Variants in SERGEF observed in about 807,000 individuals in gnomAD.
SERGEF encodes the protein secretion-regulating guanine nucleotide exchange factor.
A neutral mutation model predicts 50.0 loss-of-function variants in SERGEF; 51 were observed. The ratio of observed to expected loss-of-function variants is 1.02; its 90% confidence interval spans 0.81 to 1.29. The LOEUF (loss-of-function observed/expected upper bound fraction) is 1.29. Ranked by LOEUF, SERGEF falls within the 50% of genes most tolerant of loss-of-function variation. The pLI is 0.00. For missense variants in SERGEF, 521 were observed against 557.0 expected, an observed-to-expected ratio of 0.94 and a Z score of 0.65; for synonymous variants, 205 against 212.4, an observed-to-expected ratio of 0.97 and a Z score of 0.30.
At chr11:17,915,019 T>C (rs913970657) in intron 9 of SERGEF, among the ~76,000 whole-genome samples, 22 of 152,234 alleles carry the variant, frequency 1.4e-4, no homozygotes, top group Non-Finnish European at 2.6e-4. Context: ...CTTATTGCAA[T>C]CTTACGTCCC....
chr11:18,012,713 CCCCT>C, intron 1 of SERGEF: 1 of 1,231,868 alleles, frequency 8.1e-7, no homozygotes, highest in Non-Finnish European at 1.1e-6. Flanking sequence ...GGCGCCACAG[CCCCT>C]CCGGCCCTGA....
chr11:18,005,331 G>A (rs1217488506), intron 3 of SERGEF, among the ~76,000 whole-genome samples: 1 of 152,206 alleles, frequency 6.6e-6, no homozygotes, highest in African/African-American at 2.4e-5. Context: ...CCACAGAGGA[G>A]GATGGTGACA....
chr11:17,996,387 C>T (rs1052519978), intron 5 of SERGEF, among the ~76,000 whole-genome samples: 8 of 152,216 alleles, frequency 5.3e-5, no homozygotes, highest in African/African-American at 1.9e-4. Context: ...ACTCAGCTTT[C>T]CTAACACCTA....
intron 8 of SERGEF, among the ~76,000 whole-genome samples, chr11:17,986,821 T>C (rs1590234661): frequency 6.6e-6 from 1 of 152,362 alleles, no homozygotes; most frequent in East Asian, 1.9e-4. Context: ...TCTATGCGAC[T>C]TTTGCCCTTT....
chr11:17,953,033 T>C (rs1590215515), intron 9 of SERGEF, among the ~76,000 whole-genome samples: 1 of 152,164 alleles, frequency 6.6e-6, no homozygotes, highest in South Asian at 2.1e-4. Flanking sequence ...AGCCTTCCAA[T>C]TCAGGAAGGC....
At chr11:17,938,113 C>A (rs968248468) in intron 9 of SERGEF, among the ~76,000 whole-genome samples, 1 of 152,172 alleles carries the variant, frequency 6.6e-6, no homozygotes, top group African/African-American at 2.4e-5. Context: ...TTGCTAGGAC[C>A]TCTGCTACTG....
intron 10 of SERGEF, among the ~76,000 whole-genome samples, chr11:17,790,732 C>T (rs1266913681): frequency 3.3e-5 from 5 of 152,140 alleles, no homozygotes; most frequent in African/African-American, 1.2e-4. Flanking sequence ...CCAAATATCT[C>T]TCCAATGACT....
At chr11:17,872,651 T>C (rs1352224435) in intron 10 of SERGEF, among the ~76,000 whole-genome samples, 3 of 152,204 alleles carry the variant, frequency 2.0e-5, no homozygotes, top group South Asian at 2.1e-4. Context: ...CTTATAACTA[T>C]ACTCTCCTCA....
At position 17,842,245 on chromosome 11, in the gene SERGEF, A is replaced by G. The variant is rs564091727; in HGVS notation, c.1048+35963T>C. Among the ~76,000 whole-genome samples the G allele has an allele frequency of 2.1e-3, 318 of 152,288 alleles. 3 individuals carry two copies. Among genetic ancestry groups the G allele is most frequent in the African/African-American group, 6.0e-3 (250 of 41,562 alleles). ...AATGAATAATACACCGCAGCTATTCACTGAGTTTATTCCAAGCAATCATAA... is the reference window on the plus strand; with the variant it reads ...AATGAATAATACACCGCAGCTATTCGCTGAGTTTATTCCAAGCAATCATAA... On this transcript the variant is annotated intron_variant, in intron 10 of 10. Transcript: ENST00000265965.
intron 10 of SERGEF, among the ~76,000 whole-genome samples, chr11:17,851,647 T>C (rs1850716385): frequency 6.6e-6 from 1 of 152,208 alleles, no homozygotes; most frequent in Non-Finnish European, 1.5e-5. Flanking sequence ...GGGTTATGGA[T>C]GAAATTTCTC....
intron 10 of SERGEF, chr11:17,874,267 G>A (rs1481911348): frequency 1.3e-5 from 2 of 152,212 alleles, no homozygotes; most frequent in African/African-American, 2.4e-5. Context: ...TCATGATGTC[G>A]ATTTTACAAA....
At chr11:17,978,093 T>C (rs188042956) in intron 8 of SERGEF, among the ~76,000 whole-genome samples, 3 of 152,176 alleles carry the variant, frequency 2.0e-5, no homozygotes, top group Non-Finnish European at 4.4e-5. Context: ...TATGGTACTT[T>C]ATACAAGCCA....
chr11:17,807,349 C>T (rs1849780118), intron 10 of SERGEF, among the ~76,000 whole-genome samples: 1 of 152,056 alleles, frequency 6.6e-6, no homozygotes, highest in Non-Finnish European at 1.5e-5. Context: ...AAAAAAAATT[C>T]ACCAAAACCC....
intron 10 of SERGEF, among the ~76,000 whole-genome samples, chr11:17,869,488 A>G (rs1488664262): frequency 6.6e-6 from 1 of 152,200 alleles, no homozygotes; most frequent in African/African-American, 2.4e-5. Context: ...GGAGGCTGGG[A>G]AGTCCAAGAT....
At chr11:17,876,613 C>T (rs1041803163) in intron 10 of SERGEF, among the ~76,000 whole-genome samples, 1 of 152,250 alleles carries the variant, frequency 6.6e-6, no homozygotes, top group Non-Finnish European at 1.5e-5. Flanking sequence ...TGAACCAAGG[C>T]TGTCTGCCTG....
intron 10 of SERGEF, among the ~76,000 whole-genome samples, chr11:17,806,194 C>T (rs1190222221): frequency 6.6e-6 from 1 of 152,178 alleles, no homozygotes; most frequent in South Asian, 2.1e-4. Flanking sequence ...TCCCATCATT[C>T]GCACATTCAA....
At chr11:17,827,020 C>T (rs978360230) in intron 10 of SERGEF, among the ~76,000 whole-genome samples, 5 of 152,138 alleles carry the variant, frequency 3.3e-5, no homozygotes, top group African/African-American at 1.2e-4. Flanking sequence ...CGCCGCCTCT[C>T]GTTCAAATAT....
chr11:17,873,270 G>A (rs143261709), intron 10 of SERGEF, among the ~76,000 whole-genome samples: 16 of 152,182 alleles, frequency 1.1e-4, no homozygotes, highest in African/African-American at 3.1e-4. Context: ...TCATTTTCCC[G>A]TACCTAGAAG....
chr11:17,905,946 A>C (rs1851832911), intron 9 of SERGEF, among the ~76,000 whole-genome samples: 1 of 152,242 alleles, frequency 6.6e-6, no homozygotes, highest in African/African-American at 2.4e-5. Flanking sequence ...TCCAGCCTTA[A>C]CAAGGCAGTC....
Sources: allele counts gnomAD v4.1 joint callset (sites outside exome capture counted in the v4.1 genomes callset), GRCh38; gene constraint gnomAD v4.1.1; transcripts MANE v1.5; gene names NCBI Gene and HGNC (gene_info 2026-07-23, HGNC 2026-07-21).